Variants in RTL4 observed in about 807,000 individuals in gnomAD.
The protein encoded by RTL4 is retrotransposon Gag-like protein 4.
In RTL4, 4 loss-of-function variants were observed where a neutral mutation model predicts 5.3. That is an observed-to-expected ratio of 0.75 (90% CI 0.37 to 1.72). The LOEUF (loss-of-function observed/expected upper bound fraction) is 1.72, where lower values mean the gene tolerates loss of function less well. Ranked by LOEUF, RTL4 falls within the 40% of genes most tolerant of loss-of-function variation. The probability of loss-of-function intolerance (pLI) is 0.04; values close to 1 mark genes in which losing one functional copy is unlikely to be tolerated. For missense variants in RTL4, 260 were observed against 227.1 expected (o/e 1.14, Z -0.93); for synonymous variants, 98 against 87.3 (o/e 1.12, Z -0.68).
chrX:112,090,705 T>C, the RTL4 span, among the ~76,000 whole-genome samples: 2 of 111,411 alleles, frequency 1.8e-5, no homozygotes, highest in South Asian at 7.5e-4. Context: ...TGGTCTGTAG[T>C]TTTGTTTCTT....
the RTL4 span, among the ~76,000 whole-genome samples, chrX:112,372,540 C>T: frequency 9.0e-6 from 1 of 111,097 alleles, no homozygotes; most frequent in South Asian, 3.8e-4. Context: ...GGAGGAAGGA[C>T]GTGTTGCCCC....
chrX:112,159,682 T>G, the RTL4 span, among the ~76,000 whole-genome samples: 1 of 111,397 alleles, frequency 9.0e-6, no homozygotes, highest in Non-Finnish European at 1.9e-5. Flanking sequence ...TCGTTCTTCA[T>G]TGTCTCCAAT....
upstream of RTL4, among the ~76,000 whole-genome samples, chrX:112,452,285 T>C (rs12157052): frequency 0.3 from 25,548 of 86,104 alleles, 3,894 homozygotes; most frequent in African/African-American, 0.5. Flanking sequence ...TTTTTTTTAG[T>C]AGAGATGAGG....
At chrX:112,323,560 T>C in the RTL4 span, among the ~76,000 whole-genome samples, 1 of 110,738 alleles carries the variant, frequency 9.0e-6, no homozygotes, top group Non-Finnish European at 1.9e-5. Flanking sequence ...GGTAGGATCA[T>C]GGCTCACTGC....
the RTL4 span, among the ~76,000 whole-genome samples, chrX:112,413,463 A>C: frequency 8.9e-6 from 1 of 111,915 alleles, no homozygotes; most frequent in Non-Finnish European, 1.9e-5. Flanking sequence ...AGTGTCCATC[A>C]ACAGATGACT....
the RTL4 span, among the ~76,000 whole-genome samples, chrX:112,104,703 G>A: frequency 2.7e-3 from 302 of 111,776 alleles, 1 homozygote; most frequent in Non-Finnish European, 4.6e-3. Flanking sequence ...CTTCTTTTGA[G>A]AAATGCCTAT....
chrX:112,292,407 G>T, the RTL4 span, among the ~76,000 whole-genome samples: 6 of 111,875 alleles, frequency 5.4e-5, no homozygotes, highest in East Asian at 2.8e-4. Flanking sequence ...TAAGAGAACT[G>T]AGAGTGCTGC....
chrX:112,161,897 T>TCTG, the RTL4 span, among the ~76,000 whole-genome samples: 6 of 100,827 alleles, frequency 6.0e-5, 1 homozygote, highest in Non-Finnish European at 1.2e-4. Context: ...TCTTTCTTCT[T>TCTG]TTTTACTTTG....
chrX:112,267,648 C>T, the RTL4 span, among the ~76,000 whole-genome samples: 1 of 111,629 alleles, frequency 9.0e-6, no homozygotes, highest in Non-Finnish European at 1.9e-5. Context: ...TTTGCAGACT[C>T]ATACTTCCAA....
the RTL4 span, among the ~76,000 whole-genome samples, chrX:112,340,650 G>T: frequency 0.035 from 3,835 of 108,128 alleles, 236 homozygotes; most frequent in African/African-American, 0.12. Context: ...AAAAAAAAAA[G>T]CTCCCAAGAA....
chrX:112,090,134 C>A, the RTL4 span, among the ~76,000 whole-genome samples: 2 of 109,954 alleles, frequency 1.8e-5, no homozygotes, highest in Non-Finnish European at 3.8e-5. Flanking sequence ...TTTATGGATT[C>A]TTTAGGATTT....
At chrX:112,324,383 A>C in the RTL4 span, among the ~76,000 whole-genome samples, 4 of 111,559 alleles carry the variant, frequency 3.6e-5, no homozygotes, top group East Asian at 1.1e-3. Flanking sequence ...TTGTTTCCTA[A>C]GCTTTGGGGG....
At chrX:112,169,152 G>T in the RTL4 span, among the ~76,000 whole-genome samples, 1 of 99,471 alleles carries the variant, frequency 1.0e-5, no homozygotes, top group African/African-American at 3.7e-5. Context: ...CGCTCTTGTT[G>T]CCCAGGCTGG....
chrX:112,415,445 T>A, the RTL4 span, among the ~76,000 whole-genome samples: 1 of 111,792 alleles, frequency 8.9e-6, no homozygotes, highest in Non-Finnish European at 1.9e-5. Context: ...ATTTATTTAT[T>A]CATTTTACTG....
the RTL4 span, among the ~76,000 whole-genome samples, chrX:112,411,772 C>T: frequency 1.8e-5 from 2 of 110,751 alleles, no homozygotes; most frequent in African/African-American, 6.6e-5. Context: ...AATCTGAAAG[C>T]CTTTCTTCTG....
At chrX:112,257,529 G>A in the RTL4 span, among the ~76,000 whole-genome samples, 3 of 110,890 alleles carry the variant, frequency 2.7e-5, no homozygotes, top group South Asian at 3.8e-4. Context: ...TGACAGAAAC[G>A]TATTGCTCAC....
the RTL4 span, among the ~76,000 whole-genome samples, chrX:112,386,427 G>T: frequency 9.0e-6 from 1 of 110,888 alleles, no homozygotes; most frequent in African/African-American, 3.3e-5. Flanking sequence ...TGTTAGTGAT[G>T]ATTTCTGAGA....
At chrX:112,347,032 T>TA in the RTL4 span, among the ~76,000 whole-genome samples, 1 of 111,541 alleles carries the variant, frequency 9.0e-6, no homozygotes, top group Non-Finnish European at 1.9e-5. Context: ...TGGAAAAGAG[T>TA]ATAGAAAAGC....
At chrX:112,381,679 C>A in the RTL4 span, 1 of 1,209,895 alleles carries the variant, frequency 8.3e-7, no homozygotes, top group Admixed American at 2.2e-5. Flanking sequence ...AGGAAAATAT[C>A]CAATCCAGTT....
Sources: gnomAD v4.1 joint callset for allele counts (sites outside exome capture counted in the v4.1 genomes callset) on GRCh38, gnomAD v4.1.1 for gene constraint, MANE v1.5 for transcripts, NCBI Gene and HGNC (gene_info 2026-07-23, HGNC 2026-07-21) for gene names.